The following POLR1D variants were observed in gnomAD, a reference collection of about 807,000 sequenced individuals.
The protein encoded by POLR1D is RNA polymerase I and III subunit D.
In POLR1D, 8 loss-of-function variants were observed where a neutral mutation model predicts 10.8. The observed-to-expected ratio is 0.74, with a 90% CI of 0.43 to 1.33. The LOEUF (loss-of-function observed/expected upper bound fraction) is 1.33, where lower values mean the gene tolerates loss of function less well. Ranked by LOEUF, POLR1D falls within the 40% of genes most tolerant of loss-of-function variation. The pLI is 0.01. For missense variants in POLR1D, 152 were observed against 161.7 expected (o/e 0.94, Z 0.32); for synonymous variants, 54 against 57.2 (o/e 0.94, Z 0.25).
chr13:27,635,949 A>G (rs1469689361), intron 1 of POLR1D, among the ~76,000 whole-genome samples: 4 of 151,968 alleles, frequency 2.6e-5, no homozygotes, highest in Non-Finnish European at 5.9e-5. Context: ...TAAAACTGTA[A>G]AGGAAGAACT....
chr13:27,628,215 A>G (rs1413085523), downstream of POLR1D, among the ~76,000 whole-genome samples: 3 of 152,228 alleles, frequency 2.0e-5, no homozygotes, highest in Admixed American at 6.5e-5. Context: ...GGCAGTGAAC[A>G]GCCTGGCTCT....
At position 27,623,414 on chromosome 13, in the gene POLR1D, C is replaced by T; in HGVS notation, c.*164C>T. ...GCTGTTGGAATCTCTGCAAGAACCT[C>T]TGTATTCTTCTAATAAATTCCCTCT... is the stretch of plus-strand genomic sequence containing the variant. On this transcript the variant is annotated 3_prime_UTR_variant, in exon 2 of 2. Transcript: ENST00000302979. The T allele has an allele frequency of 7.1e-7, 1 of 1,413,702 alleles. No individual in the cohort carries two copies. Among genetic ancestry groups the T allele is most frequent in the Non-Finnish European group, 9.3e-7 (1 of 1,080,090 alleles). The allele number at this position is 1,413,702 out of a possible 1,614,324, so 87.6% of individuals were successfully genotyped here. A position where few individuals can be genotyped will look rare whatever the true frequency, so the allele number is the denominator to read the frequency against.
intron 1 of POLR1D, among the ~76,000 whole-genome samples, chr13:27,635,707 T>C (rs1177976082): frequency 9.1e-6 from 1 of 109,826 alleles, no homozygotes; most frequent in Admixed American, 9.2e-5. Flanking sequence ...TATATATATA[T>C]ATATATATAT....
At position 27,622,169 on chromosome 13, in the gene POLR1D, GA is replaced by G. The variant is rs1290808553; in HGVS notation, c.26+161del. 3.7e-5 allele frequency: 25 copies of G among 677,480 alleles called. No individual in the cohort carries two copies. In the South Asian group the frequency reaches 3.9e-4, roughly 11 times the overall value. The allele number at this position is 677,480 out of a possible 1,614,324, so 42.0% of individuals were successfully genotyped here. A position where few individuals can be genotyped will look rare whatever the true frequency, so the allele number is the denominator to read the frequency against. On this transcript the variant is annotated intron_variant, in intron 1 of 1. Transcript: ENST00000302979. ...GGAGACATGAATGTGTTTCAGTTGA[GA>G]GGCTGAGAGGTACACTAGCTATCAA...
At chr13:27,649,485 G>A (rs888492824) in intron 2 of POLR1D, among the ~76,000 whole-genome samples, 1 of 152,088 alleles carries the variant, frequency 6.6e-6, no homozygotes, top group Non-Finnish European at 1.5e-5. Context: ...TCATCATATT[G>A]TTAGTAATAA....
At chr13:27,657,923 AG>A (rs1956323531) in intron 2 of POLR1D, among the ~76,000 whole-genome samples, 1 of 152,212 alleles carries the variant, frequency 6.6e-6, no homozygotes, top group Admixed American at 6.5e-5. Context: ...GGGCTATGAA[AG>A]GAGGTCTGGA....
chr13:27,653,102 C>T (rs1172986958), intron 2 of POLR1D, among the ~76,000 whole-genome samples: 1 of 151,300 alleles, frequency 6.6e-6, no homozygotes, highest in African/African-American at 2.4e-5. Flanking sequence ...CGGGTTTCAC[C>T]ATCTTGGCCA....
chr13:27,656,434 AGAGCTAG>A (rs1323148326), intron 2 of POLR1D, among the ~76,000 whole-genome samples: 93 of 152,376 alleles, frequency 6.1e-4, no homozygotes, highest in African/African-American at 2.0e-3. Flanking sequence ...AGTACTTAGC[AGAGCTAG>A]GCTCTGCTAT....
At chr13:27,635,353 A>G (rs1389765557) in intron 1 of POLR1D, among the ~76,000 whole-genome samples, 1 of 152,158 alleles carries the variant, frequency 6.6e-6, no homozygotes, top group Non-Finnish European at 1.5e-5. Flanking sequence ...CACGGATTGA[A>G]TGAAATAAGG....
chr13:27,624,955 A>G (rs1955994025), downstream of POLR1D, among the ~76,000 whole-genome samples: 1 of 152,196 alleles, frequency 6.6e-6, no homozygotes, highest in Non-Finnish European at 1.5e-5. Context: ...AAGATAGAAA[A>G]CATAAGAAAG....
chr13:27,658,044 G>A (rs1956325445), intron 2 of POLR1D, among the ~76,000 whole-genome samples: 1 of 152,134 alleles, frequency 6.6e-6, no homozygotes, highest in African/African-American at 2.4e-5. Context: ...TTAAATAAGT[G>A]TATGTGAGAA....
intron 2 of POLR1D, chr13:27,660,668 G>A (rs559407335): frequency 6.6e-6 from 1 of 152,312 alleles, no homozygotes; most frequent in African/African-American, 2.4e-5. Context: ...TAGCCACAGC[G>A]TGCTGACAAG....
Position 27,622,844 on chromosome 13 carries a change from G to A in POLR1D, c.27-31G>A, listed in dbSNP as rs569336578. The A allele has an allele frequency of 9.1e-6, 13 of 1,426,864 alleles. No individual in the cohort carries two copies. In the African/African-American group the frequency reaches 1.7e-4, roughly 19 times the overall value. 88.4% of individuals were successfully genotyped at this position (1,426,864 alleles called of 1,614,324 possible). A position where few individuals can be genotyped will look rare whatever the true frequency, so the allele number is the denominator to read the frequency against. The stretch of plus-strand genomic sequence containing the variant: ...CTAGTTACAAAACAATATTCAGTAT[G>A]ATCTCATTTTTATAAAAAATATGTG... On this transcript the variant is annotated intron_variant, in intron 1 of 1. Coordinates refer to ENST00000302979, the MANE Select transcript of POLR1D (RefSeq NM_015972.4).
chr13:27,654,393 TA>T (rs1555273576), intron 2 of POLR1D, among the ~76,000 whole-genome samples: 1 of 152,234 alleles, frequency 6.6e-6, no homozygotes, highest in Non-Finnish European at 1.5e-5. Flanking sequence ...ATAATATTTT[TA>T]AAATCACATT....
chr13:27,631,382 C>G (rs919872033), intron 1 of POLR1D, among the ~76,000 whole-genome samples: 11 of 152,228 alleles, frequency 7.2e-5, no homozygotes, highest in African/African-American at 2.4e-4. Context: ...ATGCCCTACT[C>G]TCAGAAGTGG....
chr13:27,653,009 C>T (rs948799654), intron 2 of POLR1D, among the ~76,000 whole-genome samples: 12 of 133,036 alleles, frequency 9.0e-5, no homozygotes, highest in South Asian at 2.5e-4. Flanking sequence ...AAGCAATTCT[C>T]TGCCTCAGCC....
chr13:27,621,423 C>T (rs1456456046), upstream of POLR1D: 1 of 152,336 alleles, frequency 6.6e-6, no homozygotes, highest in Non-Finnish European at 1.5e-5. Context: ...CACGTGACCC[C>T]CCTCCCTCTT....
chr13:27,650,163 T>C lies in POLR1D; in HGVS notation c.101+1710T>C, dbSNP rs551316081. On this transcript the variant is annotated intron_variant, in intron 2 of 2. Transcript: ENST00000399697. ...CCCTCCCAGCATCAGTGTGTGATAA[T>C]AAGCATGGAATATTGCCAAGCAAGG... is the stretch of plus-strand genomic sequence containing the variant. 2.0e-5 allele frequency: 8 copies of C among 397,592 alleles called. No homozygotes were observed. In the East Asian group the frequency reaches 2.5e-4, roughly 12 times the overall value. The allele number at this position is 397,592 out of a possible 1,614,324, so 24.6% of individuals were successfully genotyped here.
Position 27,623,438 on chromosome 13 carries a change from C to T in POLR1D, c.*188C>T. ...TCTGTATTCTTCTAATAAATTCCCT[C>T]TTTTATTTAAACTAGTTTGACTGGT... On this transcript the variant is annotated 3_prime_UTR_variant, in exon 2 of 2. Transcript: ENST00000302979. 5 of 1,302,266 alleles carry T rather than the reference C, an allele frequency of 3.8e-6. No homozygotes were observed. Among genetic ancestry groups the T allele is most frequent in the Non-Finnish European group, 5.0e-6 (5 of 997,358 alleles). The allele number at this position is 1,302,266 out of a possible 1,614,324, so 80.7% of individuals were successfully genotyped here. A position where few individuals can be genotyped will look rare whatever the true frequency, so the allele number is the denominator to read the frequency against.
Sources: gnomAD v4.1 joint callset for allele counts (sites outside exome capture counted in the v4.1 genomes callset) on GRCh38, gnomAD v4.1.1 for gene constraint, MANE v1.5 for transcripts, NCBI Gene and HGNC (gene_info 2026-07-23, HGNC 2026-07-21) for gene names.